ASB2: variants seen among roughly 807,000 people sequenced by gnomAD.
ASB2 encodes ankyrin repeat and SOCS box protein 2.
Under a neutral mutation model 62.4 loss-of-function variants are expected in ASB2, and 58 were observed. The observed-to-expected ratio is 0.93, with a 90% confidence interval of 0.75 to 1.16. The LOEUF is 1.16. Among genes scored for constraint, ASB2 ranks in the 50% most tolerant of loss-of-function variants. ASB2 has a pLI of 0.00. For missense variants in ASB2, 928 were observed against 887.9 expected (o/e 1.05, Z -0.57); for synonymous variants, 386 against 385.3 (o/e 1.00, Z -0.02).
intron 7 of ASB2, among the ~76,000 whole-genome samples, chr14:93,944,290 C>T (rs759884699): frequency 1.2e-4 from 18 of 152,140 alleles, no homozygotes; most frequent in South Asian, 2.1e-4. Context: ...TGATTTCATA[C>T]GGTGGCTTTG....
In ASB2 at chr14:93,970,393, G is replaced by T. The variant is rs79797842; in HGVS notation, c.-73-5781C>A. ...CTCGTCAGCCTACCCTGCCCTGAAG[G>T]TGCCCTTCCAGAAACAGCTCCAGCA... On this transcript the variant is annotated intron_variant, in intron 1 of 9. Transcript: ENST00000555019. 5.8e-3 allele frequency among the ~76,000 whole-genome samples: 876 copies of T among 152,220 alleles called. 15 individuals are homozygous for T. The highest frequency in any genetic ancestry group is 0.04 in the Admixed American group (614 of 15,288).
rs561670830 is a variant in ASB2 at position 93,935,009 on chromosome 14, G to A, written c.1772-217C>T. On this transcript the variant is annotated intron_variant, in intron 9 of 9. Coordinates refer to ENST00000555019, the MANE Select transcript of ASB2 (RefSeq NM_001202429.2). ...CATTGATCTGCACAGCCCACGCAGT[G>A]CACAGCGTGGTTAGCACACCCATTT... is the stretch of plus-strand genomic sequence containing the variant. Among the ~76,000 whole-genome samples, 4 of 152,162 alleles carry A rather than the reference G, an allele frequency of 2.6e-5. No homozygotes were observed. In the South Asian group the frequency reaches 8.3e-4, roughly 32 times the overall value.
At position 93,954,452 on chromosome 14, in the gene ASB2, C is replaced by T; in HGVS notation, c.343G>A (p.Asp115Asn). 1 of 1,614,248 alleles carries T rather than the reference C, an allele frequency of 6.2e-7. No homozygotes were observed. The highest frequency in any genetic ancestry group is 8.5e-7 in the Non-Finnish European group (1 of 1,180,060). The change falls in exon 4 of 10, where the codon GAT becomes AAT. Residue 115 changes from aspartate to asparagine, a missense_variant. By Grantham distance (23) the Asp-to-Asn change is conservative. Coordinates refer to ENST00000555019, the MANE Select transcript of ASB2 (RefSeq NM_001202429.2). ...PADPLIKAIK[D>N]GDEEALKTMI... ...GTCTTCAAGGCCTCTTCATCGCCAT[C>T]CTTGATGGCCTTTATCAAGGGGTCC... is the stretch of plus-strand genomic sequence containing the variant.
chr14:93,951,402 A>T (rs1888966397), intron 5 of ASB2, among the ~76,000 whole-genome samples, 158 bp from the exon 6 acceptor site: 1 of 152,250 alleles, frequency 6.6e-6, no homozygotes, highest in South Asian at 2.1e-4. Context: ...GGGATAGGCG[A>T]CTAAAAGTAA....
Position 93,964,517 on chromosome 14 carries a change from C to A in ASB2, c.23G>T (p.Arg8Leu). Residue 8 changes from arginine to leucine, a missense_variant, in exon 2 of 10, where the codon CGG (arginine) becomes CTG (leucine). Arg to Leu is a moderately radical substitution (Grantham distance 102). Transcript: ENST00000555019. The stretch of plus-strand genomic sequence containing the variant: ...CTGCCCAATGGTACACTGGCTGCCC[C>A]GAGTGCTGATCTGCGTGGCCATCCT... MATQIST[R>L]GSQCTIGQEE... 1 of 1,536,100 alleles carries A rather than the reference C, an allele frequency of 6.5e-7. No individual in the cohort carries two copies. The highest frequency in any genetic ancestry group is 1.7e-4 in the Middle Eastern group (1 of 5,984).
Position 93,939,269 on chromosome 14 carries a change from T to C in ASB2, c.1456A>G (p.Met486Val), listed in dbSNP as rs571561197. Residue 486 changes from methionine to valine, a missense_variant, in exon 8 of 10, where the codon ATG (methionine) becomes GTG (valine). Transcript: ENST00000555019. ...TAFPATIMFA[M>V]KCLSLLKFLM... ...AACTTGAGCAGCGACAGGCACTTCA[T>C]GGCGAACATGATGGTGGCGGGGAAG... 4.3e-6 allele frequency: 7 copies of C among 1,610,018 alleles called. No homozygotes were observed. The East Asian group carries it at 1.3e-4, about 31-fold the overall frequency.
chr14:93,947,310 C>T (rs779349854), intron 7 of ASB2, 39 bp downstream of exon 7: 75 of 1,608,900 alleles, frequency 4.7e-5, no homozygotes, highest in Non-Finnish European at 6.2e-5. Context: ...GTGTGGGCCT[C>T]GGGAGAGCTG....
intron 5 of ASB2, among the ~76,000 whole-genome samples, chr14:93,951,669 T>C (rs1335931827): frequency 6.6e-6 from 1 of 152,168 alleles, no homozygotes; most frequent in South Asian, 2.1e-4. Flanking sequence ...AGGCTGAAGG[T>C]CTCTGTCCCC....
intron 7 of ASB2, 34 bp downstream of exon 7, chr14:93,947,315 G>T: frequency 6.2e-7 from 1 of 1,611,238 alleles, no homozygotes; most frequent in Non-Finnish European, 8.5e-7. Context: ...GGCCTCGGGA[G>T]AGCTGCCTGG....
chr14:93,976,221 G>C (rs1286591188), intron 1 of ASB2, among the ~76,000 whole-genome samples: 1 of 152,142 alleles, frequency 6.6e-6, no homozygotes, highest in Non-Finnish European at 1.5e-5. Flanking sequence ...CAGAAGAATG[G>C]GTAAGTACAT....
chr14:93,949,669 A>G (rs1004291189), intron 6 of ASB2, among the ~76,000 whole-genome samples: 3 of 152,016 alleles, frequency 2.0e-5, no homozygotes, highest in Non-Finnish European at 4.4e-5. Context: ...TTGCACAAGA[A>G]AAATATTTGG....
chr14:93,966,411 A>C (rs986468870), intron 1 of ASB2, among the ~76,000 whole-genome samples: 1 of 152,210 alleles, frequency 6.6e-6, no homozygotes, highest in African/African-American at 2.4e-5. Context: ...CCTATGGAAG[A>C]CTTTCCTTTC....
At chr14:93,941,499 A>G (rs1888518779) in intron 7 of ASB2, 1 of 368,166 alleles carries the variant, frequency 2.7e-6, no homozygotes, top group Non-Finnish European at 5.4e-6. Context: ...ATCTGACTCT[A>G]AAACCTCAAA....
At position 93,951,234 on chromosome 14, in the gene ASB2, G is replaced by C; in HGVS notation, c.645C>G (p.Arg215=). 1 of 1,600,198 alleles carries C rather than the reference G, an allele frequency of 6.2e-7. No homozygotes were observed. The highest frequency in any genetic ancestry group is 8.5e-7 in the Non-Finnish European group (1 of 1,174,072). Residue 215 remains arginine, a synonymous_variant, in exon 6 of 10, where the codon CGC becomes CGG. Coordinates refer to ENST00000555019, the MANE Select transcript of ASB2 (RefSeq NM_001202429.2). ...GAATCTTCACGGCCTCCGCGTTCTT[G>C]CGCTCGCAGGCTGTGCTCAGGGGGA... ...RETPLYKACE[R]KNAEAVKILV...
chr14:93,951,411 AATACTG>A (rs1193401565), intron 5 of ASB2, among the ~76,000 whole-genome samples, 167 bp from the exon 6 acceptor site: 13 of 152,376 alleles, frequency 8.5e-5, no homozygotes, highest in Admixed American at 3.9e-4. Context: ...GACTAAAAGT[AATACTG>A]ATACTAACAT....
chr14:93,939,718 T>G (rs922329084), intron 7 of ASB2, 46 bp from the exon 8 acceptor site: 1 of 1,344,282 alleles, frequency 7.4e-7, no homozygotes. Context: ...GGTCGGGGTG[T>G]GGACGGGTAG....
chr14:93,938,987 A>G (rs1888384854), intron 8 of ASB2, 121 bp downstream of exon 8: 6 of 878,738 alleles, frequency 6.8e-6, no homozygotes, highest in Admixed American at 3.7e-5. Context: ...GGTGTTAATC[A>G]CTAGTCCACG....
chr14:93,973,664 C>A (rs1333218738), intron 1 of ASB2, among the ~76,000 whole-genome samples: 1 of 152,220 alleles, frequency 6.6e-6, no homozygotes, highest in Non-Finnish European at 1.5e-5. Flanking sequence ...GAGTGAAGGG[C>A]CCTTCTGCTG....
At chr14:93,949,230 C>A (rs769865076) in intron 6 of ASB2, among the ~76,000 whole-genome samples, 3 of 152,200 alleles carry the variant, frequency 2.0e-5, no homozygotes. Context: ...TGTTGCTGAT[C>A]TCAGGCTTTC....
Sources: allele counts gnomAD v4.1 joint callset (sites outside exome capture counted in the v4.1 genomes callset), GRCh38; gene constraint gnomAD v4.1.1; transcripts MANE v1.5; gene names NCBI Gene and HGNC (gene_info 2026-07-23, HGNC 2026-07-21).